Variants in ERICH3 observed in about 807,000 individuals in gnomAD.
ERICH3 encodes glutamate-rich protein 3.
ERICH3 carries 126 observed loss-of-function variants against 131.1 expected under a neutral mutation model. The ratio of observed to expected loss-of-function variants is 0.96; its 90% CI spans 0.83 to 1.11. ERICH3 has a LOEUF of 1.11. Among genes scored for constraint, ERICH3 ranks in the 50% most tolerant of loss-of-function variants. The pLI is 0.00. For missense variants in ERICH3, 2,050 were observed against 1,810.7 expected (o/e 1.13, Z -2.40); for synonymous variants, 695 against 644.6 (o/e 1.08, Z -1.18).
At chr1:74,626,038 G>T (rs1557689677) in intron 7 of ERICH3, 1 of 152,000 alleles carries the variant, frequency 6.6e-6, no homozygotes, top group Non-Finnish European at 1.5e-5. Flanking sequence ...ATTGATTACA[G>T]GTGGAAATGA....
At chr1:74,665,757 G>A (rs1646686262) in intron 1 of ERICH3, among the ~76,000 whole-genome samples, 1 of 152,048 alleles carries the variant, frequency 6.6e-6, no homozygotes, top group African/African-American at 2.4e-5. Flanking sequence ...ATATTGGCCT[G>A]ATTTAACCTT....
At chr1:74,628,466 A>G (rs1019398106) in intron 7 of ERICH3, among the ~76,000 whole-genome samples, 16 of 152,184 alleles carry the variant, frequency 1.1e-4, no homozygotes, top group African/African-American at 3.4e-4. Flanking sequence ...AGTTTTCCTA[A>G]TAACATTTTC....
Position 74,568,751 on chromosome 1 carries a change from CAAAG to C in ERICH3, c.*1703_*1706del. 1 of 152,118 alleles carries C rather than the reference CAAAG, an allele frequency of 6.6e-6. No individual in the cohort carries two copies. The highest frequency in any genetic ancestry group is 2.4e-5 in the African/African-American group (1 of 41,528). The allele number at this position is 152,118 out of a possible 1,614,324, so 9.4% of individuals were successfully genotyped here. On this transcript the variant is annotated 3_prime_UTR_variant, in exon 15 of 15. Coordinates refer to ENST00000326665, the MANE Select transcript of ERICH3 (RefSeq NM_001002912.5). The stretch of plus-strand genomic sequence containing the variant: ...GAAAAGACAGAGAGACATAGAGAGG[CAAAG>C]AAAGAAAGTTCAAAATGCCTCTGTA...
intron 7 of ERICH3, among the ~76,000 whole-genome samples, chr1:74,629,382 T>C (rs2100620954): frequency 6.6e-6 from 1 of 152,098 alleles, no homozygotes; most frequent in East Asian, 1.9e-4. Context: ...TTTTTTTTCT[T>C]GGAAAAAAAG....
chr1:74,618,197 A>C (rs1334308838), intron 8 of ERICH3, among the ~76,000 whole-genome samples: 1 of 152,162 alleles, frequency 6.6e-6, no homozygotes, highest in Non-Finnish European at 1.5e-5. Flanking sequence ...ATATAAGTCA[A>C]AGCACAATGA....
chr1:74,628,450 A>T (rs1265395486), intron 7 of ERICH3, among the ~76,000 whole-genome samples: 1 of 152,278 alleles, frequency 6.6e-6, no homozygotes, highest in East Asian at 1.9e-4. Context: ...ATTTTCTCTT[A>T]TTTACAGTTT....
At chr1:74,664,482 AAAT>A (rs1194109706) in intron 1 of ERICH3, among the ~76,000 whole-genome samples, 1 of 152,188 alleles carries the variant, frequency 6.6e-6, no homozygotes, top group Non-Finnish European at 1.5e-5. Flanking sequence ...TATGAGAGCC[AAAT>A]AATATTCACA....
intron 12 of ERICH3, among the ~76,000 whole-genome samples, chr1:74,583,358 C>T (rs151293121): frequency 9.9e-4 from 151 of 152,020 alleles, no homozygotes; most frequent in African/African-American, 3.4e-3. Flanking sequence ...CCTATACATG[C>T]CTCCTTATAA....
At chr1:74,574,611 C>T (rs1388680875) in intron 13 of ERICH3, among the ~76,000 whole-genome samples, 1 of 152,180 alleles carries the variant, frequency 6.6e-6, no homozygotes, top group African/African-American at 2.4e-5. Context: ...CAGACCGGGA[C>T]AGTTTTCAGC....
At chr1:74,590,280 T>G (rs1375753452) in intron 11 of ERICH3, among the ~76,000 whole-genome samples, 200 bp from the exon 12 acceptor site, 3 of 152,198 alleles carry the variant, frequency 2.0e-5, no homozygotes, top group Non-Finnish European at 4.4e-5. Context: ...AGACAACTTT[T>G]CCATGGACTG....
chr1:74,576,314 C>T (rs747197120), intron 13 of ERICH3, among the ~76,000 whole-genome samples: 1 of 152,128 alleles, frequency 6.6e-6, no homozygotes, highest in Non-Finnish European at 1.5e-5. Flanking sequence ...CAATAACAAC[C>T]AGTATCTCTG....
chr1:74,670,480 G>C lies in ERICH3; in HGVS notation c.23+3017C>G, dbSNP rs112333234. Among the ~76,000 whole-genome samples the C allele has an allele frequency of 1.4e-3, 218 of 152,260 alleles. 1 individual carries two copies. The highest frequency in any genetic ancestry group is 5.1e-3 in the African/African-American group (211 of 41,546). On this transcript the variant is annotated intron_variant, in intron 1 of 14. Transcript: ENST00000326665. ...CAGGGACCCCGAACAGACAGACTAG[G>C]TGGAGCCACAGCAGAGGAACATAAA...
In ERICH3 at chr1:74,573,306, C is replaced by T. The variant is rs1646993730; in HGVS notation, c.2404G>A (p.Gly802Arg). 8.1e-6 allele frequency: 13 copies of T among 1,601,746 alleles called. No individual in the cohort carries two copies. The highest frequency in any genetic ancestry group is 2.2e-5 in the East Asian group (1 of 44,850). The change falls in exon 14 of 15, where the codon GGA becomes AGA. Residue 802 changes from glycine to arginine, a missense_variant. Transcript: ENST00000326665. ...CTCAAGGGAGCCTCATGAACAGCTCCTGCTTCTCCCCACAGTGCTGCCTCC... is the reference window on the plus strand; with the variant it reads ...CTCAAGGGAGCCTCATGAACAGCTCTTGCTTCTCCCCACAGTGCTGCCTCC... The part of the protein sequence containing the change: ...KGEAALWGEA[G>R]AVHEAPLRAW...
At chr1:74,660,170 C>T (rs914651781) in intron 1 of ERICH3, among the ~76,000 whole-genome samples, 10 of 152,062 alleles carry the variant, frequency 6.6e-5, no homozygotes, top group Non-Finnish European at 1.5e-4. Context: ...GGCACTTCTC[C>T]TTCCTGCCAC....
Position 74,599,734 on chromosome 1 carries a change from C to A in ERICH3, c.1687G>T (p.Asp563Tyr). Reference protein sequence around the residue: ...DARDNVKDENDGCSESELEED... With the variant: ...DARDNVKDENYGCSESELEED... Reference sequence around the variant, plus strand: ...TCCAGTTCACTCTCAGAGCATCCATCATTCTCATCTTTCACATTGTCACGG... The same window carrying A: ...TCCAGTTCACTCTCAGAGCATCCATAATTCTCATCTTTCACATTGTCACGG... The change falls in exon 11 of 15, where the codon GAT becomes TAT. Residue 563 changes from aspartate to tyrosine, a missense_variant. Asp to Tyr is a radical substitution (Grantham distance 160). Transcript: ENST00000326665. 1 of 1,612,038 alleles carries A rather than the reference C, an allele frequency of 6.2e-7. No homozygotes were observed. The highest frequency in any genetic ancestry group is 8.5e-7 in the Non-Finnish European group (1 of 1,178,830).
chr1:74,586,160 G>A (rs2100554977), intron 12 of ERICH3, among the ~76,000 whole-genome samples: 1 of 152,094 alleles, frequency 6.6e-6, no homozygotes, highest in Non-Finnish European at 1.5e-5. Flanking sequence ...AAAACGTGCA[G>A]TTATACAATA....
chr1:74,599,536 T>C (rs563567528), intron 11 of ERICH3, among the ~76,000 whole-genome samples, 159 bp downstream of exon 11: 1 of 151,856 alleles, frequency 6.6e-6, no homozygotes, highest in Non-Finnish European at 1.5e-5. Context: ...CATAAGTTTA[T>C]CTGTGTAACA....
chr1:74,599,451 G>C (rs1045218832), intron 11 of ERICH3, among the ~76,000 whole-genome samples: 2 of 151,788 alleles, frequency 1.3e-5, no homozygotes, highest in African/African-American at 4.8e-5. Context: ...AGGAGAAAGA[G>C]GATCAGGAAA....
chr1:74,620,715 A>G lies in ERICH3; in HGVS notation c.1000+19T>C, dbSNP rs1419577174. 1.3e-6 allele frequency: 2 copies of G among 1,559,094 alleles called. No individual in the cohort carries two copies. The highest frequency in any genetic ancestry group is 1.7e-6 in the Non-Finnish European group (2 of 1,151,922). On this transcript the variant is annotated intron_variant, in intron 8 of 14. Coordinates refer to ENST00000326665, the MANE Select transcript of ERICH3 (RefSeq NM_001002912.5). Reference sequence around the variant, plus strand: ...CATCAACTCCAAGCAATTAAAAAACATTCACATTTTATGTGTACCTTTTTC... The same window carrying G: ...CATCAACTCCAAGCAATTAAAAAACGTTCACATTTTATGTGTACCTTTTTC...
Sources: allele counts gnomAD v4.1 joint callset (sites outside exome capture counted in the v4.1 genomes callset), GRCh38; gene constraint gnomAD v4.1.1; transcripts MANE v1.5; gene names NCBI Gene and HGNC (gene_info 2026-07-23, HGNC 2026-07-21).